SIL1: variants seen among roughly 807,000 people sequenced by gnomAD.
SIL1 encodes the protein nucleotide exchange factor SIL1.
In SIL1, 40 loss-of-function variants were observed where a neutral mutation model predicts 49.1. The ratio of observed to expected loss-of-function variants is 0.81; its 90% CI spans 0.63 to 1.06. The LOEUF (loss-of-function observed/expected upper bound fraction) is 1.06, where lower values mean the gene tolerates loss of function less well. Among genes scored for constraint, SIL1 ranks in the 50% least tolerant of loss-of-function variants. The probability of loss-of-function intolerance (pLI) is 0.00; values close to 1 mark genes in which losing one functional copy is unlikely to be tolerated. For missense variants in SIL1, 500 were observed against 572.6 expected (o/e 0.87, Z 1.29); for synonymous variants, 253 against 250.8 (o/e 1.01, Z -0.08).
At chr5:139,085,694 A>G (rs111764050) in intron 3 of SIL1, among the ~76,000 whole-genome samples, 9 of 152,200 alleles carry the variant, frequency 5.9e-5, no homozygotes, top group South Asian at 2.1e-4. Flanking sequence ...AGGCTGGTTT[A>G]GAAGACTGTG....
intron 3 of SIL1, among the ~76,000 whole-genome samples, chr5:139,103,563 G>C (rs533269499): frequency 5.3e-5 from 8 of 152,322 alleles, no homozygotes; most frequent in African/African-American, 1.9e-4. Flanking sequence ...TTTGCCAGGA[G>C]AGTCCAGCAA....
intron 3 of SIL1, among the ~76,000 whole-genome samples, chr5:139,069,643 T>C (rs1389955518): frequency 6.6e-6 from 1 of 152,152 alleles, no homozygotes; most frequent in African/African-American, 2.4e-5. Context: ...TACTTAAAAC[T>C]ATGTATTGAA....
intron 5 of SIL1, among the ~76,000 whole-genome samples, chr5:139,032,125 G>T (rs769670056): frequency 1.3e-5 from 2 of 152,124 alleles, no homozygotes; most frequent in Non-Finnish European, 2.9e-5. Flanking sequence ...TTGAATGAGT[G>T]GTAAGAGTGA....
chr5:138,953,692 C>A (rs1399624834), intron 7 of SIL1, among the ~76,000 whole-genome samples: 1 of 124,432 alleles, frequency 8.0e-6, no homozygotes, highest in African/African-American at 3.6e-5. Flanking sequence ...CCCCTGCCCC[C>A]CACGACTTGA....
chr5:139,082,482 T>G (rs537647132), intron 3 of SIL1, among the ~76,000 whole-genome samples: 2 of 152,186 alleles, frequency 1.3e-5, no homozygotes, highest in East Asian at 1.9e-4. Flanking sequence ...TACAAGTCAT[T>G]TGATACAAAG....
At chr5:139,184,105 C>G (rs760834858) in intron 1 of SIL1, among the ~76,000 whole-genome samples, 14 of 152,160 alleles carry the variant, frequency 9.2e-5, no homozygotes, top group Non-Finnish European at 1.9e-4. Flanking sequence ...CCAGAGAGGA[C>G]AGGCCTGTGT....
At chr5:139,013,569 A>C (rs1217011178) in intron 7 of SIL1, 1 of 129,572 alleles carries the variant, frequency 7.7e-6, no homozygotes, top group African/African-American at 3.2e-5. Flanking sequence ...AATTTCTCTC[A>C]CTTTCTTACA....
chr5:139,007,175 C>T (rs1188030300), intron 7 of SIL1, among the ~76,000 whole-genome samples: 1 of 146,076 alleles, frequency 6.8e-6, no homozygotes, highest in Non-Finnish European at 1.5e-5. Context: ...AGGTCCTTCA[C>T]ATCCCTTGTA....
At chr5:138,992,527 C>T (rs1462302079) in intron 7 of SIL1, among the ~76,000 whole-genome samples, 1 of 152,210 alleles carries the variant, frequency 6.6e-6, no homozygotes, top group African/African-American at 2.4e-5. Flanking sequence ...TTCTCATATC[C>T]ACAGCATACC....
intron 3 of SIL1, among the ~76,000 whole-genome samples, chr5:139,090,929 C>T (rs1370083074): frequency 6.6e-6 from 1 of 152,082 alleles, no homozygotes; most frequent in Non-Finnish European, 1.5e-5. Context: ...TTTTAATAAG[C>T]AGTGTTGGGA....
chr5:139,013,428 C>T (rs983470991), intron 7 of SIL1: 2 of 152,076 alleles, frequency 1.3e-5, no homozygotes, highest in Non-Finnish European at 2.9e-5. Flanking sequence ...GTCTCTTGTC[C>T]CCTAAATTAT....
chr5:138,951,547 G>T, intron 8 of SIL1, among the ~76,000 whole-genome samples: 1 of 152,232 alleles, frequency 6.6e-6, no homozygotes, highest in South Asian at 2.1e-4. Flanking sequence ...GGTAAACAGA[G>T]GCCAAGGGTG....
At chr5:139,071,691 G>A (rs1255907720) in intron 3 of SIL1, among the ~76,000 whole-genome samples, 10 of 138,280 alleles carry the variant, frequency 7.2e-5, no homozygotes, top group African/African-American at 1.4e-4. Flanking sequence ...TTTTTGAGAC[G>A]GAGTCTCACT....
chr5:138,966,053 T>G (rs1227598861), intron 7 of SIL1, among the ~76,000 whole-genome samples: 1 of 151,984 alleles, frequency 6.6e-6, no homozygotes, highest in African/African-American at 2.4e-5. Context: ...AGCTTCCTCA[T>G]CTGTCAAATG....
chr5:138,968,890 C>T (rs928937526), intron 7 of SIL1, among the ~76,000 whole-genome samples: 1 of 152,146 alleles, frequency 6.6e-6, no homozygotes, highest in African/African-American at 2.4e-5. Flanking sequence ...TCCAAGAGCT[C>T]ACGGAATCAG....
chr5:139,049,034 G>A (rs552004178), intron 4 of SIL1, among the ~76,000 whole-genome samples: 4 of 152,340 alleles, frequency 2.6e-5, no homozygotes, highest in African/African-American at 7.2e-5. Context: ...AGGCTGTTTT[G>A]TGGGGTGAGT....
intron 7 of SIL1, among the ~76,000 whole-genome samples, chr5:138,976,352 A>C (rs2150396084): frequency 7.5e-6 from 1 of 133,370 alleles, no homozygotes; most frequent in Admixed American, 8.7e-5. Context: ...TCACTCTGTC[A>C]CCCAGACTGG....
At position 139,009,421 on chromosome 5, in the gene SIL1, G is replaced by T. The variant is rs1258107650; in HGVS notation, c.767+11750C>A. On this transcript the variant is annotated intron_variant, in intron 7 of 9. Transcript: ENST00000394817. ...TGGGTCTTGACTCTTTATCCAATTT[G>T]CCAGTCTGTGTCTTTTAATTGGAGA... Among the ~76,000 whole-genome samples the T allele has an allele frequency of 5.5e-5, 8 of 145,932 alleles. No individual in the cohort carries two copies. The East Asian group carries it at 1.0e-3, about 18-fold the overall frequency.
intron 1 of SIL1, among the ~76,000 whole-genome samples, chr5:139,178,374 C>T (rs1751923964): frequency 6.6e-6 from 1 of 152,218 alleles, no homozygotes; most frequent in Non-Finnish European, 1.5e-5. Flanking sequence ...TCCAAAACCA[C>T]CAAAACCACC....
Sources: gnomAD v4.1 joint callset for allele counts (sites outside exome capture counted in the v4.1 genomes callset) on GRCh38, gnomAD v4.1.1 for gene constraint, MANE v1.5 for transcripts, NCBI Gene and HGNC (gene_info 2026-07-23, HGNC 2026-07-21) for gene names.